The following PCSK5 variants were observed in gnomAD, a reference collection of about 807,000 sequenced individuals.
The protein encoded by PCSK5 is prohormone convertase 5.
Under a neutral mutation model 233.2 loss-of-function variants are expected in PCSK5, and 129 were observed. The ratio of observed to expected loss-of-function variants is 0.55; its 90% CI spans 0.48 to 0.64. PCSK5 has a LOEUF of 0.64. PCSK5 is among the 30% of genes least tolerant of loss of function. The pLI, the probability that PCSK5 is intolerant of heterozygous loss-of-function variation, is 0.00. For missense variants in PCSK5, 2,076 were observed against 2,430.1 expected (o/e 0.85, Z 3.06); for synonymous variants, 825 against 879.2 (o/e 0.94, Z 1.09).
At chr9:76,025,121 C>T (rs911744165) in intron 4 of PCSK5, among the ~76,000 whole-genome samples, 4 of 152,134 alleles carry the variant, frequency 2.6e-5, no homozygotes, top group Non-Finnish European at 4.4e-5. Context: ...GTATATTTTA[C>T]TTGATTTCCC....
intron 5 of PCSK5, among the ~76,000 whole-genome samples, chr9:76,041,659 G>A (rs1301742437): frequency 6.6e-6 from 1 of 151,994 alleles, no homozygotes; most frequent in Non-Finnish European, 1.5e-5. Flanking sequence ...GGCCAATATG[G>A]TGAAACCCCG....
chr9:76,220,268 T>C (rs1644542142), intron 20 of PCSK5, among the ~76,000 whole-genome samples: 1 of 152,182 alleles, frequency 6.6e-6, no homozygotes, highest in African/African-American at 2.4e-5. Flanking sequence ...GGCTCATGCC[T>C]GTAATACCAG....
chr9:75,966,551 A>G (rs1245417211), intron 2 of PCSK5, among the ~76,000 whole-genome samples: 1 of 152,178 alleles, frequency 6.6e-6, no homozygotes, highest in Non-Finnish European at 1.5e-5. Context: ...ATAGAGGTAG[A>G]TCTCTTTTAG....
At chr9:76,046,906 C>T (rs546289129) in intron 5 of PCSK5, among the ~76,000 whole-genome samples, 1 of 152,198 alleles carries the variant, frequency 6.6e-6, no homozygotes, top group East Asian at 1.9e-4. Context: ...GAACACACTT[C>T]TTCTCTTGGG....
intron 13 of PCSK5, among the ~76,000 whole-genome samples, chr9:76,172,484 G>T (rs1213712957): frequency 6.6e-6 from 1 of 152,148 alleles, no homozygotes; most frequent in Admixed American, 6.5e-5. Context: ...GAATTACACA[G>T]GAAGGATATC....
At position 76,240,599 on chromosome 9, in the gene PCSK5, C is replaced by CT. The variant is rs1189170466; in HGVS notation, c.3074-15dup. 6.5e-7 allele frequency: 1 copy of CT among 1,546,324 alleles called. No homozygotes were observed. Among genetic ancestry groups the CT allele is most frequent in the South Asian group, 1.2e-5 (1 of 84,760 alleles). Reference sequence around the variant, plus strand: ...CAATGGAAATGAGTTGTGTTTTTCACTTCTCTGTCTGTGTAGGTGAAGTCC... The same window carrying CT: ...CAATGGAAATGAGTTGTGTTTTTCACTTTCTCTGTCTGTGTAGGTGAAGTCC... On this transcript the variant is annotated splice_polypyrimidine_tract_variant and intron_variant, in intron 23 of 37. Coordinates refer to ENST00000674117, the MANE Select transcript of PCSK5 (RefSeq NM_001372043.1).
chr9:76,109,420 T>G (rs1392418590), intron 9 of PCSK5, among the ~76,000 whole-genome samples: 1 of 127,012 alleles, frequency 7.9e-6, no homozygotes, highest in Admixed American at 9.0e-5. Context: ...GAGATATTAC[T>G]GTAACACTAT....
intron 28 of PCSK5, 27 bp from the exon 29 acceptor site, chr9:76,308,618 C>A: frequency 7.3e-7 from 1 of 1,374,548 alleles, no homozygotes; most frequent in Non-Finnish European, 1.0e-6. Flanking sequence ...AAGGAGAAGC[C>A]TGAACTGTTG....
At chr9:76,007,941 C>G (rs999508647) in intron 3 of PCSK5, among the ~76,000 whole-genome samples, 1 of 151,906 alleles carries the variant, frequency 6.6e-6, no homozygotes, top group Admixed American at 6.6e-5. Flanking sequence ...TTTCATATCT[C>G]TTTCTCCATC....
intron 24 of PCSK5, among the ~76,000 whole-genome samples, chr9:76,256,584 G>A (rs1442364350): frequency 6.6e-6 from 1 of 152,222 alleles, no homozygotes; most frequent in Admixed American, 6.5e-5. Flanking sequence ...GATTCTGCAT[G>A]ATTAGGAATA....
chr9:76,321,115 G>A (rs1288897189), intron 30 of PCSK5, among the ~76,000 whole-genome samples: 1 of 151,866 alleles, frequency 6.6e-6, no homozygotes, highest in Non-Finnish European at 1.5e-5. Context: ...CACCCGGCCA[G>A]TTAGCTATCT....
intron 20 of PCSK5, among the ~76,000 whole-genome samples, chr9:76,202,574 C>T (rs978069): frequency 5.9e-5 from 9 of 152,026 alleles, no homozygotes; most frequent in African/African-American, 1.9e-4. Context: ...CAAGTATTTT[C>T]CTGCCACATT....
At chr9:75,941,940 A>G (rs951574898) in intron 2 of PCSK5, among the ~76,000 whole-genome samples, 2 of 152,268 alleles carry the variant, frequency 1.3e-5, no homozygotes, top group Non-Finnish European at 2.9e-5. Flanking sequence ...TCTTATAGGC[A>G]GAAGTAAATT....
chr9:76,160,012 G>A (rs952222022), intron 12 of PCSK5, among the ~76,000 whole-genome samples: 2 of 151,768 alleles, frequency 1.3e-5, no homozygotes, highest in Admixed American at 6.6e-5. Flanking sequence ...CAGTAGAGAC[G>A]GGGTTTCACC....
At chr9:76,221,927 C>T (rs1322090460) in intron 20 of PCSK5, among the ~76,000 whole-genome samples, 2 of 152,112 alleles carry the variant, frequency 1.3e-5, no homozygotes, top group South Asian at 2.1e-4. Flanking sequence ...TAAGTCTTGT[C>T]AATCAAAAAC....
intron 10 of PCSK5, among the ~76,000 whole-genome samples, chr9:76,155,731 A>C (rs1163613308): frequency 6.6e-6 from 1 of 152,258 alleles, no homozygotes; most frequent in African/African-American, 2.4e-5. Context: ...CTGGTCACAG[A>C]TAGTCAAATT....
At chr9:76,332,750 A>G (rs991418893) in intron 34 of PCSK5, 140 bp downstream of exon 34, 1 of 638,880 alleles carries the variant, frequency 1.6e-6, no homozygotes, top group Non-Finnish European at 2.7e-6. Flanking sequence ...GCAAAGATGA[A>G]CCAATTCACA....
rs756447712 is a variant in PCSK5 at position 76,157,031 on chromosome 9, C to T, written c.1313-14C>T. ...GTAGCTTAGTGAAGCTGACCAGTCTCTCGCTTTCCACAGTGAGCCATCTTT... is the reference window on the plus strand; with the variant it reads ...GTAGCTTAGTGAAGCTGACCAGTCTTTCGCTTTCCACAGTGAGCCATCTTT... On this transcript the variant is annotated splice_polypyrimidine_tract_variant and intron_variant, in intron 10 of 37. Coordinates refer to ENST00000674117, the MANE Select transcript of PCSK5 (RefSeq NM_001372043.1). The T allele has an allele frequency of 4.4e-6, 7 of 1,592,388 alleles. No individual in the cohort carries two copies. The highest frequency in any genetic ancestry group is 5.2e-6 in the Non-Finnish European group (6 of 1,160,386).
At chr9:76,199,991 G>A (rs1824856403) in intron 20 of PCSK5, among the ~76,000 whole-genome samples, 1 of 151,978 alleles carries the variant, frequency 6.6e-6, no homozygotes, top group Non-Finnish European at 1.5e-5. Context: ...TCTCTAAATG[G>A]TCTACTTCTG....
Sources: gnomAD v4.1 joint callset for allele counts (sites outside exome capture counted in the v4.1 genomes callset) on GRCh38, gnomAD v4.1.1 for gene constraint, MANE v1.5 for transcripts, NCBI Gene and HGNC (gene_info 2026-07-23, HGNC 2026-07-21) for gene names.